Variants in RSRC1 observed in about 807,000 individuals in gnomAD.
The protein encoded by RSRC1 is arginine and serine rich coiled-coil 1, also known as serine/Arginine-related protein 53.
A neutral mutation model predicts 49.1 loss-of-function variants in RSRC1; 39 were observed. That is an observed-to-expected ratio of 0.79 (90% CI 0.61 to 1.04). The LOEUF (loss-of-function observed/expected upper bound fraction) is 1.04, where lower values mean the gene tolerates loss of function less well. RSRC1 is among the 50% of genes least tolerant of loss of function. The pLI, the probability that RSRC1 is intolerant of heterozygous loss-of-function variation, is 0.00. For missense variants in RSRC1, 388 were observed against 402.4 expected (o/e 0.96, Z 0.31); for synonymous variants, 143 against 130.8 (o/e 1.09, Z -0.63).
At chr3:158,267,688 T>C (rs1168649309) in intron 4 of RSRC1, among the ~76,000 whole-genome samples, 1 of 151,960 alleles carries the variant, frequency 6.6e-6, no homozygotes, top group Non-Finnish European at 1.5e-5. Flanking sequence ...TTTGAAAAAA[T>C]ATAGTTTCCA....
In RSRC1 at chr3:158,544,457, G is replaced by A; in HGVS notation, c.*182G>A. ...GTTAATTTGAATTAAATCAAACATT[G>A]TAAAAATTAAAACAAAATTTAAGAT... On this transcript the variant is annotated 3_prime_UTR_variant, in exon 10 of 10. Transcript: ENST00000611884. The A allele has an allele frequency of 2.6e-6, 1 of 391,330 alleles. No homozygotes were observed. The highest frequency in any genetic ancestry group is 4.5e-6 in the Non-Finnish European group (1 of 220,178). The allele number at this position is 391,330 out of a possible 1,614,324, so 24.2% of individuals were successfully genotyped here.
intron 7 of RSRC1, among the ~76,000 whole-genome samples, chr3:158,531,506 G>A (rs1429053852): frequency 6.6e-6 from 1 of 151,916 alleles, no homozygotes; most frequent in East Asian, 1.9e-4. Context: ...TTTAAGGTGA[G>A]TTTGTCTTGG....
chr3:158,379,810 G>T (rs376084718), intron 6 of RSRC1, among the ~76,000 whole-genome samples: 6 of 78,920 alleles, frequency 7.6e-5, no homozygotes, highest in Middle Eastern at 0.02. Flanking sequence ...AAACACACGC[G>T]CATGCACACA....
In RSRC1 at chr3:158,327,365, A is replaced by C. The variant is rs181412904; in HGVS notation, c.532-27492A>C. 7.7e-3 allele frequency among the ~76,000 whole-genome samples: 1,169 copies of C among 152,242 alleles called. 7 individuals carry two copies. The highest frequency in any genetic ancestry group is 0.027 in the African/African-American group (1,110 of 41,544). On this transcript the variant is annotated intron_variant, in intron 5 of 9. Coordinates refer to ENST00000611884, the MANE Select transcript of RSRC1 (RefSeq NM_001271838.2). ...ATCTTTCCTGCTGTCTCTTGTGGGC[A>C]TTTAGTGCTATAAATTCCCCTCTAC...
intron 3 of RSRC1, among the ~76,000 whole-genome samples, chr3:158,142,292 C>T (rs1379024976): frequency 6.6e-6 from 1 of 152,110 alleles, no homozygotes; most frequent in Non-Finnish European, 1.5e-5. Context: ...TGACATTTCT[C>T]ATCATCTTCA....
rs140372716 is a variant in RSRC1, at chr3:158,310,870, A to G, written c.531+12795A>G. Among the ~76,000 whole-genome samples the G allele has an allele frequency of 2.6e-4, 39 of 151,904 alleles. 1 individual carries two copies. Among genetic ancestry groups the G allele is most frequent in the African/African-American group, 8.7e-4 (36 of 41,542 alleles). Reference sequence around the variant, plus strand: ...CAAAATTTACAATGAAATTTCTGTAACATCACTTTTAATGCAATGCCAATA... The same window carrying G: ...CAAAATTTACAATGAAATTTCTGTAGCATCACTTTTAATGCAATGCCAATA... On this transcript the variant is annotated intron_variant, in intron 5 of 9. Transcript: ENST00000611884.
At chr3:158,382,251 A>T (rs1314210947) in intron 6 of RSRC1, among the ~76,000 whole-genome samples, 3 of 152,166 alleles carry the variant, frequency 2.0e-5, no homozygotes, top group Non-Finnish European at 4.4e-5. Context: ...TCCTATGATA[A>T]TAGTGCCTTC....
intron 4 of RSRC1, among the ~76,000 whole-genome samples, chr3:158,242,170 T>C (rs1008322066): frequency 6.6e-6 from 1 of 151,178 alleles, no homozygotes; most frequent in African/African-American, 2.4e-5. Flanking sequence ...CCAGCATCCA[T>C]TGGCTGTTCT....
chr3:158,268,233 C>A (rs1386262237), intron 4 of RSRC1, among the ~76,000 whole-genome samples: 2 of 152,090 alleles, frequency 1.3e-5, no homozygotes, highest in African/African-American at 4.8e-5. Flanking sequence ...ACCTTTCTAC[C>A]ACCAGAGATG....
At chr3:158,200,070 T>G (rs865851933) in intron 3 of RSRC1, among the ~76,000 whole-genome samples, 18 of 152,192 alleles carry the variant, frequency 1.2e-4, no homozygotes, top group African/African-American at 4.3e-4. Flanking sequence ...CGGAGTCTTG[T>G]TCTGTCACCC....
intron 6 of RSRC1, among the ~76,000 whole-genome samples, chr3:158,418,283 G>A (rs1018562367): frequency 2.0e-5 from 3 of 151,886 alleles, no homozygotes; most frequent in African/African-American, 4.8e-5. Flanking sequence ...GTAAAGTAAA[G>A]TCTGTTCAGA....
chr3:158,206,844 G>T (rs1359109637), intron 4 of RSRC1, among the ~76,000 whole-genome samples: 1 of 152,132 alleles, frequency 6.6e-6, no homozygotes, highest in Non-Finnish European at 1.5e-5. Flanking sequence ...AACCCAGGAG[G>T]TGGAGGTTGC....
chr3:158,544,102 A>G, intron 9 of RSRC1, 81 bp from the exon 10 acceptor site: 1 of 904,348 alleles, frequency 1.1e-6, no homozygotes, highest in Non-Finnish European at 1.8e-6. Context: ...TATATTCTAC[A>G]AAGGTGAGTT....
intron 3 of RSRC1, among the ~76,000 whole-genome samples, chr3:158,174,128 A>T (rs546238249): frequency 1.3e-5 from 2 of 152,028 alleles, no homozygotes; most frequent in Admixed American, 1.3e-4. Context: ...AGTTATTTTT[A>T]AAAAAAGATT....
chr3:158,154,910 T>G (rs2108216693), intron 3 of RSRC1, among the ~76,000 whole-genome samples: 1 of 152,322 alleles, frequency 6.6e-6, no homozygotes, highest in South Asian at 2.1e-4. Context: ...AGAAACCACT[T>G]TTTTGCTCAT....
chr3:158,467,964 C>T (rs1303009781), intron 7 of RSRC1, among the ~76,000 whole-genome samples: 2 of 152,216 alleles, frequency 1.3e-5, no homozygotes, highest in East Asian at 3.9e-4. Context: ...GACGGAGTCT[C>T]GCTCTGTCGC....
chr3:158,414,879 CAA>C (rs921944694), intron 6 of RSRC1, among the ~76,000 whole-genome samples: 2 of 151,976 alleles, frequency 1.3e-5, no homozygotes, highest in Non-Finnish European at 2.9e-5. Flanking sequence ...ATTGTGTTCA[CAA>C]AAAAAGTTGT....
intron 3 of RSRC1, among the ~76,000 whole-genome samples, chr3:158,181,057 G>T (rs1719595436): frequency 6.6e-6 from 1 of 151,928 alleles, no homozygotes; most frequent in African/African-American, 2.4e-5. Context: ...GCCCACCTTG[G>T]CCTCCCAAAG....
intron 3 of RSRC1, among the ~76,000 whole-genome samples, chr3:158,196,198 C>T (rs1720602023): frequency 6.6e-6 from 1 of 151,688 alleles, no homozygotes; most frequent in East Asian, 1.9e-4. Context: ...TGTAGTTCTC[C>T]TTGAAGAGGT....
Sources: allele counts gnomAD v4.1 joint callset (sites outside exome capture counted in the v4.1 genomes callset), GRCh38; gene constraint gnomAD v4.1.1; transcripts MANE v1.5; gene names NCBI Gene and HGNC (gene_info 2026-07-23, HGNC 2026-07-21).